FBXL20: variants seen among roughly 807,000 people sequenced by gnomAD.
The protein encoded by FBXL20 is F-box and leucine rich repeat protein 20.
A neutral mutation model predicts 64.0 loss-of-function variants in FBXL20; 11 were observed. The ratio of observed to expected loss-of-function variants is 0.17; its 90% CI spans 0.11 to 0.28. The LOEUF (loss-of-function observed/expected upper bound fraction) is 0.28. FBXL20 is among the 10% of genes least tolerant of loss of function. The pLI is 1.00. For missense variants in FBXL20, 303 were observed against 526.2 expected (o/e 0.58, Z 4.15); for synonymous variants, 184 against 189.0 (o/e 0.97, Z 0.22).
At chr17:39,385,437 T>C (rs1465714418) in intron 1 of FBXL20, among the ~76,000 whole-genome samples, 1 of 152,152 alleles carries the variant, frequency 6.6e-6, no homozygotes, top group African/African-American at 2.4e-5. Flanking sequence ...TATTTTAACT[T>C]CCCTTCCCAG....
chr17:39,351,266 G>A (rs915356008), intron 1 of FBXL20, among the ~76,000 whole-genome samples: 5 of 151,554 alleles, frequency 3.3e-5, no homozygotes, highest in Admixed American at 2.6e-4. Flanking sequence ...AAACCGGGAG[G>A]GGGAGGTTGC....
chr17:39,364,640 G>A (rs973022341), intron 1 of FBXL20, among the ~76,000 whole-genome samples: 1 of 152,112 alleles, frequency 6.6e-6, no homozygotes, highest in Non-Finnish European at 1.5e-5. Context: ...GAATGTGGCA[G>A]GAATAACACT....
intron 1 of FBXL20, among the ~76,000 whole-genome samples, chr17:39,397,402 T>C (rs2048194665): frequency 6.6e-6 from 1 of 152,210 alleles, no homozygotes; most frequent in Non-Finnish European, 1.5e-5. Context: ...CTCCAGGCAC[T>C]GTTTAAACTG....
rs577468893 is a variant in FBXL20 at position 39,344,241 on chromosome 17, C to T, written c.43-1000G>A. ...TGGTGTGCGTCTGTGGTCCTAGCTA[C>T]GTGGGAGGCTGAGGTGGGAGGACTG... is the stretch of plus-strand genomic sequence containing the variant. On this transcript the variant is annotated intron_variant, in intron 1 of 14. Coordinates refer to ENST00000264658, the MANE Select transcript of FBXL20 (RefSeq NM_032875.3). Among the ~76,000 whole-genome samples, 124 of 150,612 alleles carry T rather than the reference C, an allele frequency of 8.2e-4. 1 individual carries two copies. Among genetic ancestry groups the T allele is most frequent in the African/African-American group, 2.7e-3 (111 of 40,996 alleles).
At chr17:39,273,983 C>T (rs1379298580) in intron 10 of FBXL20, among the ~76,000 whole-genome samples, 1 of 152,054 alleles carries the variant, frequency 6.6e-6, no homozygotes, top group East Asian at 1.9e-4. Flanking sequence ...AAGTGATCCT[C>T]TCACTTTAGC....
rs1366586301 is a variant in FBXL20 at position 39,260,879 on chromosome 17, A to C, written c.*581T>G. ...AACCATTTAGGAAACCTCTGGGCCAAATACTAAAACACAGGAGGAATGGAC... is the reference window on the plus strand; with the variant it reads ...AACCATTTAGGAAACCTCTGGGCCACATACTAAAACACAGGAGGAATGGAC... On this transcript the variant is annotated 3_prime_UTR_variant, in exon 15 of 15. Transcript: ENST00000264658. 1 of 155,576 alleles carries C rather than the reference A, an allele frequency of 6.4e-6. No individual in the cohort carries two copies. Among genetic ancestry groups the C allele is most frequent in the Admixed American group, 6.3e-5 (1 of 15,922 alleles). The allele number at this position is 155,576 out of a possible 1,614,324, so 9.6% of individuals were successfully genotyped here.
intron 2 of FBXL20, among the ~76,000 whole-genome samples, chr17:39,323,191 G>C (rs375799326): frequency 1.8e-4 from 27 of 152,006 alleles, no homozygotes; most frequent in South Asian, 1.2e-3. Flanking sequence ...GGATGGTCTT[G>C]ATCTCCTGAC....
At chr17:39,287,206 C>CG (rs1422196933) in intron 6 of FBXL20, among the ~76,000 whole-genome samples, 2 of 152,022 alleles carry the variant, frequency 1.3e-5, no homozygotes, top group Non-Finnish European at 2.9e-5. Flanking sequence ...CCACCACGCC[C>CG]GGCCTTGGTA....
intron 2 of FBXL20, among the ~76,000 whole-genome samples, chr17:39,326,254 T>C (rs1265096383): frequency 7.9e-5 from 12 of 152,038 alleles, no homozygotes; most frequent in Non-Finnish European, 1.5e-4. Flanking sequence ...GGTATTTAAT[T>C]ATGGCAATGC....
intron 2 of FBXL20, 23 bp from the exon 3 acceptor site, chr17:39,303,662 C>T (rs1436898137): frequency 6.3e-7 from 1 of 1,590,656 alleles, no homozygotes; most frequent in African/African-American, 1.3e-5. Flanking sequence ...GAGAGAAAGA[C>T]AAATTTTATT....
Position 39,253,795 on chromosome 17 carries a change from A to G in FBXL20, c.*7665T>C, listed in dbSNP as rs901477363. The G allele has an allele frequency of 6.6e-6, 1 of 152,278 alleles. No homozygotes were observed. The highest frequency in any genetic ancestry group is 2.4e-5 in the African/African-American group (1 of 41,464). 9.4% of individuals were successfully genotyped at this position (152,278 alleles called of 1,614,324 possible). On this transcript the variant is annotated 3_prime_UTR_variant, in exon 15 of 15. Coordinates refer to ENST00000264658, the MANE Select transcript of FBXL20 (RefSeq NM_032875.3). ...AGCAGCAGCAAAGGTTTCACTTACT[A>G]AAAATCTATTATATAGGAAAGAAAA...
At chr17:39,390,380 G>A (rs1487220809) in intron 1 of FBXL20, among the ~76,000 whole-genome samples, 1 of 151,934 alleles carries the variant, frequency 6.6e-6, no homozygotes, top group Non-Finnish European at 1.5e-5. Flanking sequence ...GACCAACATG[G>A]TGAAACCCCG....
intron 6 of FBXL20, among the ~76,000 whole-genome samples, chr17:39,287,997 TCTGTCACCCGGG>T (rs1470926493): frequency 1.4e-5 from 2 of 142,746 alleles, no homozygotes; most frequent in Non-Finnish European, 3.0e-5. Context: ...TGAGATGGAC[TCTGTCACCCGGG>T]CTGGAGTGCA....
At chr17:39,349,210 C>G (rs1191908768) in intron 1 of FBXL20, among the ~76,000 whole-genome samples, 1 of 151,224 alleles carries the variant, frequency 6.6e-6, no homozygotes, top group African/African-American at 2.4e-5. Flanking sequence ...TGAGATCATG[C>G]CACTGCACTC....
At chr17:39,349,279 C>T (rs72825130) in intron 1 of FBXL20, among the ~76,000 whole-genome samples, 5,996 of 121,570 alleles carry the variant, frequency 0.049, 156 homozygotes, top group Non-Finnish European at 0.069. Flanking sequence ...AAATAAAAAT[C>T]GAGCCACCAT....
At chr17:39,278,287 A>G (rs983593419) in intron 9 of FBXL20, among the ~76,000 whole-genome samples, 4 of 151,952 alleles carry the variant, frequency 2.6e-5, no homozygotes, top group African/African-American at 9.7e-5. Flanking sequence ...CTGGGATTAC[A>G]GGCACACACC....
chr17:39,357,540 T>G (rs1345658790), intron 1 of FBXL20, among the ~76,000 whole-genome samples: 1 of 152,084 alleles, frequency 6.6e-6, no homozygotes, highest in Non-Finnish European at 1.5e-5. Flanking sequence ...AATTATCATC[T>G]TACGCGAAAC....
chr17:39,307,049 G>A (rs1405719414), intron 2 of FBXL20, among the ~76,000 whole-genome samples: 1 of 152,170 alleles, frequency 6.6e-6, no homozygotes. Context: ...ACAAAAGGGG[G>A]AAACATCTAG....
At chr17:39,288,210 G>T (rs915154402) in intron 6 of FBXL20, among the ~76,000 whole-genome samples, 1 of 151,776 alleles carries the variant, frequency 6.6e-6, no homozygotes, top group Non-Finnish European at 1.5e-5. Context: ...CAAACGATCC[G>T]CCCACCTTGG....
Sources: gnomAD v4.1 joint callset for allele counts (sites outside exome capture counted in the v4.1 genomes callset) on GRCh38, gnomAD v4.1.1 for gene constraint, MANE v1.5 for transcripts, NCBI Gene and HGNC (gene_info 2026-07-23, HGNC 2026-07-21) for gene names.